The following ERICH5 variants were observed in gnomAD, a reference collection of about 807,000 sequenced individuals.
The protein encoded by ERICH5 is glutamate rich 5.
A neutral mutation model predicts 28.0 loss-of-function variants in ERICH5; 24 were observed. The ratio of observed to expected loss-of-function variants is 0.86; its 90% confidence interval spans 0.62 to 1.21. ERICH5 has a LOEUF of 1.21. ERICH5 is among the 50% of genes most tolerant of loss of function. The probability of loss-of-function intolerance (pLI) is 0.00; values close to 1 mark genes in which losing one functional copy is unlikely to be tolerated. For missense variants in ERICH5, 421 were observed against 441.2 expected, an observed-to-expected ratio of 0.95 and a Z score of 0.41; for synonymous variants, 163 against 157.6, an observed-to-expected ratio of 1.03 and a Z score of -0.25.
chr8:98,074,881 C>T (rs565498239), intron 1 of ERICH5, among the ~76,000 whole-genome samples: 2 of 152,230 alleles, frequency 1.3e-5, no homozygotes, highest in Admixed American at 1.3e-4. Flanking sequence ...CTCTAATGTC[C>T]TGTTTCACTT....
At chr8:98,079,153 CTTTTTTTTTTTCCTT>C (rs763409592) in intron 1 of ERICH5, among the ~76,000 whole-genome samples, 13,023 of 132,198 alleles carry the variant, frequency 0.099, 725 homozygotes, top group Non-Finnish European at 0.14. Context: ...ACATTTTCCT[CTTTTTTTTTTTCCTT>C]TTTTTTTTTT....
In ERICH5 at chr8:98,089,178, T is replaced by C. The variant is rs369476819; in HGVS notation, c.161T>C (p.Val54Ala). ...LGRESTVDGN[V>A]QRESRPPLQK... ...AGAGAATCTACTGTTGATGGCAATGTACAAAGGGAAAGCCGTCCTCCCTTA... is the reference window on the plus strand; with the variant it reads ...AGAGAATCTACTGTTGATGGCAATGCACAAAGGGAAAGCCGTCCTCCCTTA... The change falls in exon 2 of 3, where the codon GTA becomes GCA. Residue 54 changes from valine to alanine, a missense_variant. Val to Ala is a moderately conservative substitution (Grantham distance 64). Transcript: ENST00000318528. 1 of 1,614,180 alleles carries C rather than the reference T, an allele frequency of 6.2e-7. No homozygotes were observed. Among genetic ancestry groups the C allele is most frequent in the Non-Finnish European group, 8.5e-7 (1 of 1,180,016 alleles).
rs868642960 is a variant in ERICH5, at chr8:98,091,924, T to C, written c.1013-1297T>C. Among the ~76,000 whole-genome samples the C allele has an allele frequency of 9.9e-3, 717 of 72,376 alleles. 24 individuals are homozygous for C. Among genetic ancestry groups the C allele is most frequent in the African/African-American group, 0.024 (453 of 18,600 alleles). 47.5% of individuals were successfully genotyped at this position (72,376 alleles called of 152,430 possible). A position where few individuals can be genotyped will look rare whatever the true frequency, so the allele number is the denominator to read the frequency against. On this transcript the variant is annotated intron_variant, in intron 2 of 2. Coordinates refer to ENST00000318528, the MANE Select transcript of ERICH5 (RefSeq NM_173549.3). The stretch of plus-strand genomic sequence containing the variant: ...TCCTTTCTTTCTTTCTTTCTTCCTT[T>C]CTTTCTTTCTTCCTTTCTTTCTTTC...
At chr8:98,086,879 T>A (rs368398915) in intron 1 of ERICH5, among the ~76,000 whole-genome samples, 129 of 140,848 alleles carry the variant, frequency 9.2e-4, no homozygotes, top group African/African-American at 3.3e-3. Context: ...TGAACCCAGG[T>A]GGCGGAGCTT....
At chr8:98,084,627 C>T (rs1290998317) in intron 1 of ERICH5, among the ~76,000 whole-genome samples, 5 of 151,594 alleles carry the variant, frequency 3.3e-5, no homozygotes, top group East Asian at 1.9e-4. Flanking sequence ...GTGATCCACC[C>T]GTCTCAGCCT....
chr8:98,076,532 T>C (rs1815058988), intron 1 of ERICH5, among the ~76,000 whole-genome samples: 1 of 152,160 alleles, frequency 6.6e-6, no homozygotes, highest in South Asian at 2.1e-4. Context: ...CTTTGATTCA[T>C]GGCTAAATCA....
intron 1 of ERICH5, among the ~76,000 whole-genome samples, chr8:98,075,148 C>CA (rs1407317871): frequency 6.6e-6 from 1 of 152,080 alleles, no homozygotes; most frequent in East Asian, 1.9e-4. Context: ...CTCAAAGGTA[C>CA]ATGTGGTTGA....
At chr8:98,077,055 G>A (rs914517398) in intron 1 of ERICH5, among the ~76,000 whole-genome samples, 1 of 151,932 alleles carries the variant, frequency 6.6e-6, no homozygotes, top group African/African-American at 2.4e-5. Context: ...TTCAGGCCAG[G>A]AGTTTGAGAC....
At chr8:98,091,903 T>TTC (rs1472773611) in intron 2 of ERICH5, among the ~76,000 whole-genome samples, 1 of 96,452 alleles carries the variant, frequency 1.0e-5, no homozygotes, top group Non-Finnish European at 2.0e-5. Flanking sequence ...TTTCTTTCCT[T>TTC]TCTTTCTTTC....
chr8:98,080,027 G>A (rs1815147244), intron 1 of ERICH5, among the ~76,000 whole-genome samples: 1 of 152,174 alleles, frequency 6.6e-6, no homozygotes, highest in Admixed American at 6.5e-5. Flanking sequence ...TGGTACTCAA[G>A]GGAACTTTGT....
At chr8:98,070,660 C>CAAAAAAAAAGAAAA (rs1814897313) in intron 1 of ERICH5, among the ~76,000 whole-genome samples, 1 of 38,758 alleles carries the variant, frequency 2.6e-5, no homozygotes, top group Non-Finnish European at 5.1e-5. Flanking sequence ...AACTGCATCT[C>CAAAAAAAAAGAAAA]AAAAAAAAAA....
intron 1 of ERICH5, among the ~76,000 whole-genome samples, chr8:98,069,005 A>T (rs1814863513): frequency 6.6e-6 from 1 of 152,232 alleles, no homozygotes; most frequent in Non-Finnish European, 1.5e-5. Context: ...TCACACTCTG[A>T]CATCTAGTTA....
At chr8:98,084,053 AT>A (rs11298792) in intron 1 of ERICH5, among the ~76,000 whole-genome samples, 69,162 of 139,470 alleles carry the variant, frequency 0.5, 16,962 homozygotes, top group Middle Eastern at 0.61. Context: ...GCTAATTTTA[AT>A]TTTTTTTTTT....
At chr8:98,088,435 C>A (rs891596309) in intron 1 of ERICH5, among the ~76,000 whole-genome samples, 1 of 152,168 alleles carries the variant, frequency 6.6e-6, no homozygotes, top group African/African-American at 2.4e-5. Context: ...ATGCATGTTT[C>A]TCTGCTTTCT....
chr8:98,066,320 C>G (rs540281587), intron 1 of ERICH5, among the ~76,000 whole-genome samples: 8 of 152,316 alleles, frequency 5.3e-5, no homozygotes, highest in African/African-American at 1.7e-4. Flanking sequence ...ATTATTCTGA[C>G]TTCTCTACCC....
intron 1 of ERICH5, among the ~76,000 whole-genome samples, chr8:98,084,294 T>G (rs1261482827): frequency 6.6e-6 from 1 of 152,214 alleles, no homozygotes; most frequent in Non-Finnish European, 1.5e-5. Context: ...TCATTTTTAC[T>G]TCTCATTTCT....
intron 1 of ERICH5, among the ~76,000 whole-genome samples, chr8:98,077,528 AAAAG>A (rs1563754716): frequency 1.3e-5 from 2 of 152,342 alleles, no homozygotes; most frequent in Admixed American, 1.3e-4. Context: ...ATAGGAATCT[AAAAG>A]AAATTAAAGA....
chr8:98,084,860 A>G (rs1424105012), intron 1 of ERICH5, among the ~76,000 whole-genome samples: 1 of 152,130 alleles, frequency 6.6e-6, no homozygotes, highest in Non-Finnish European at 1.5e-5. Flanking sequence ...TCTGTACACC[A>G]TGGGAGCATC....
chr8:98,087,891 A>C (rs1465781818), intron 1 of ERICH5, among the ~76,000 whole-genome samples: 9 of 152,060 alleles, frequency 5.9e-5, no homozygotes, highest in Non-Finnish European at 1.2e-4. Context: ...TGAACTTATT[A>C]GACTTTTAAG....
Sources: gnomAD v4.1 joint callset for allele counts (sites outside exome capture counted in the v4.1 genomes callset) on GRCh38, gnomAD v4.1.1 for gene constraint, MANE v1.5 for transcripts, NCBI Gene and HGNC (gene_info 2026-07-23, HGNC 2026-07-21) for gene names.